The following SCP2 variants were observed in gnomAD, a reference collection of about 807,000 sequenced individuals.
The protein encoded by SCP2 is sterol carrier protein 2.
SCP2 carries 48 observed loss-of-function variants against 71.4 expected under a neutral mutation model. The ratio of observed to expected loss-of-function variants is 0.67; its 90% CI spans 0.53 to 0.86. SCP2 has a LOEUF of 0.86. Among genes scored for constraint, SCP2 ranks in the 40% least tolerant of loss-of-function variants. SCP2 has a pLI of 0.00. For synonymous variants in SCP2, 220 were observed against 218.1 expected (o/e 1.01, Z -0.08); for missense variants, 560 against 655.6 (o/e 0.85, Z 1.59).
chr1:52,951,215 G>A (rs920460300), intron 4 of SCP2, among the ~76,000 whole-genome samples: 15 of 151,964 alleles, frequency 9.9e-5, no homozygotes, highest in African/African-American at 3.4e-4. Flanking sequence ...CTGGGAGACA[G>A]AGATTGCAGT....
intron 11 of SCP2, chr1:52,995,768 G>C (rs763463248): frequency 2.5e-6 from 2 of 785,562 alleles, no homozygotes; most frequent in Non-Finnish European, 4.6e-6. Context: ...CCCACCTCAT[G>C]GCTTCAAGAT....
intron 8 of SCP2, among the ~76,000 whole-genome samples, chr1:52,977,550 G>A (rs1322383021): frequency 2.6e-5 from 4 of 152,250 alleles, no homozygotes; most frequent in Non-Finnish European, 5.9e-5. Context: ...CAAAGTTGGA[G>A]CTGGGGCGGT....
At chr1:52,959,353 G>A (rs1046177503) in intron 5 of SCP2, among the ~76,000 whole-genome samples, 6 of 151,748 alleles carry the variant, frequency 4.0e-5, no homozygotes, top group Non-Finnish European at 5.9e-5. Context: ...GCGCCACCAC[G>A]CCCTGCTAAT....
chr1:52,933,310 G>C (rs1297178049), intron 1 of SCP2, among the ~76,000 whole-genome samples: 1 of 152,086 alleles, frequency 6.6e-6, no homozygotes, highest in Non-Finnish European at 1.5e-5. Context: ...CATCAGGCTG[G>C]GCATGGTGGC....
chr1:52,974,269 T>G (rs1293505325), intron 6 of SCP2, among the ~76,000 whole-genome samples: 1 of 152,202 alleles, frequency 6.6e-6, no homozygotes, highest in Non-Finnish European at 1.5e-5. Flanking sequence ...ATTTAAATTT[T>G]CTGTTAAGGA....
intron 12 of SCP2, among the ~76,000 whole-genome samples, chr1:53,018,740 CAAAAAAA>C (rs1184206730): frequency 8.7e-6 from 1 of 114,304 alleles, no homozygotes; most frequent in African/African-American, 3.1e-5. Context: ...GACTCTGTTT[CAAAAAAA>C]AAAAAAGAAA....
At chr1:52,929,601 T>G (rs571184387) in intron 1 of SCP2, among the ~76,000 whole-genome samples, 1 of 151,904 alleles carries the variant, frequency 6.6e-6, no homozygotes, top group East Asian at 1.9e-4. Flanking sequence ...TGTGCCACCA[T>G]GCCCAGCTAC....
chr1:53,046,461 G>A (rs914217903), intron 14 of SCP2, among the ~76,000 whole-genome samples: 4 of 151,848 alleles, frequency 2.6e-5, no homozygotes, highest in African/African-American at 9.7e-5. Flanking sequence ...GCCATTTGGA[G>A]ATCTTCTTTT....
chr1:52,999,212 TGGC>T (rs1660146220), intron 11 of SCP2, among the ~76,000 whole-genome samples: 1 of 152,240 alleles, frequency 6.6e-6, no homozygotes, highest in Non-Finnish European at 1.5e-5. Context: ...CGAGGAAATC[TGGC>T]ACATGGCCAT....
At chr1:53,022,835 T>C (rs1394617771) in intron 12 of SCP2, among the ~76,000 whole-genome samples, 8 of 152,204 alleles carry the variant, frequency 5.3e-5, no homozygotes, top group Non-Finnish European at 2.9e-5. Context: ...GAGCCTGTTT[T>C]AGGCCTTAGA....
At chr1:53,000,870 G>C (rs1170105337) in intron 11 of SCP2, among the ~76,000 whole-genome samples, 2 of 152,060 alleles carry the variant, frequency 1.3e-5, no homozygotes, top group African/African-American at 4.8e-5. Context: ...TGGGAGGGTA[G>C]CTTGAGCCCA....
At chr1:52,964,968 G>A (rs771707859) in intron 6 of SCP2, among the ~76,000 whole-genome samples, 30 of 152,218 alleles carry the variant, frequency 2.0e-4, no homozygotes, top group Admixed American at 3.3e-4. Flanking sequence ...CCGAGATCGC[G>A]CCACTGCACT....
chr1:52,984,639 G>A (rs1303008506), intron 10 of SCP2, among the ~76,000 whole-genome samples: 1 of 151,764 alleles, frequency 6.6e-6, no homozygotes, highest in Non-Finnish European at 1.5e-5. Flanking sequence ...CTGGGTTCAA[G>A]TGATTCTCCT....
chr1:52,965,094 C>T (rs1656834278), intron 6 of SCP2, among the ~76,000 whole-genome samples: 1 of 152,136 alleles, frequency 6.6e-6, no homozygotes. Context: ...CTTTCATAGT[C>T]ACTACAGTGA....
At chr1:53,011,633 C>G (rs186796409) in intron 11 of SCP2, among the ~76,000 whole-genome samples, 63 of 152,308 alleles carry the variant, frequency 4.1e-4, no homozygotes, top group Non-Finnish European at 3.2e-4. Context: ...CTTGGACTTG[C>G]ATTTGGCATC....
At chr1:53,003,950 A>C (rs992816081) in intron 11 of SCP2, among the ~76,000 whole-genome samples, 1 of 152,176 alleles carries the variant, frequency 6.6e-6, no homozygotes, top group Non-Finnish European at 1.5e-5. Flanking sequence ...TAAAGGAAGC[A>C]CTTGTATGCA....
chr1:53,011,673 C>T (rs564642274), intron 11 of SCP2, among the ~76,000 whole-genome samples: 1 of 152,256 alleles, frequency 6.6e-6, no homozygotes, highest in East Asian at 1.9e-4. Flanking sequence ...TGGGACTCAG[C>T]CCTCAACCCA....
At chr1:52,936,975 G>A (rs1230653126) in intron 1 of SCP2, among the ~76,000 whole-genome samples, 2 of 151,972 alleles carry the variant, frequency 1.3e-5, no homozygotes, top group African/African-American at 4.8e-5. Flanking sequence ...GTACAGTAAG[G>A]AAATGGAATC....
At chr1:53,008,583 A>C (rs1301004130) in intron 11 of SCP2, among the ~76,000 whole-genome samples, 1 of 152,140 alleles carries the variant, frequency 6.6e-6, no homozygotes, top group Non-Finnish European at 1.5e-5. Flanking sequence ...TCAACAGCCC[A>C]TCATGCTAAA....
Sources: gnomAD v4.1 joint callset for allele counts (sites outside exome capture counted in the v4.1 genomes callset) on GRCh38, gnomAD v4.1.1 for gene constraint, MANE v1.5 for transcripts, NCBI Gene and HGNC (gene_info 2026-07-23, HGNC 2026-07-21) for gene names.